KRABD3: variants seen among roughly 807,000 people sequenced by gnomAD.
The protein encoded by KRABD3 is KRAB domain-containing protein 3.
chr7:149,725,792 T>C, the KRABD3 span: 3 of 1,216,046 alleles, frequency 2.5e-6, no homozygotes, highest in African/African-American at 1.5e-5. Flanking sequence ...GGAGATACTT[T>C]GGGGCAGGGT....
chr7:149,730,461 T>C, the KRABD3 span: 67 of 1,603,146 alleles, frequency 4.2e-5, no homozygotes, highest in African/African-American at 8.6e-4. Flanking sequence ...AAGCCTCCTG[T>C]CCCTCTGTCC....
chr7:149,719,512 G>GAAC, the KRABD3 span: 1 of 1,532,804 alleles, frequency 6.5e-7, no homozygotes, highest in African/African-American at 1.4e-5. The surrounding 1 kb of genome is among the most constrained non-coding windows in gnomAD (Gnocchi z 5.6). Context: ...CTCTGGGATG[G>GAAC]AACAACCAAC....
the KRABD3 span, chr7:149,715,153 T>A: frequency 8.1e-7 from 1 of 1,229,178 alleles, no homozygotes; most frequent in Non-Finnish European, 1.0e-6. Context: ...CCCCGCAACT[T>A]CGGGATCGGC....
the KRABD3 span, chr7:149,734,060 T>C: frequency 2.5e-6 from 4 of 1,586,044 alleles, no homozygotes; most frequent in South Asian, 4.6e-5. Flanking sequence ...GCATTCCTCT[T>C]CTCCACATCT....
At chr7:149,722,792 C>T in the KRABD3 span, 3 of 1,602,526 alleles carry the variant, frequency 1.9e-6, no homozygotes, top group Admixed American at 3.5e-5. Flanking sequence ...GGAATTTCTC[C>T]TGGGAACAGC....
chr7:149,719,481 C>G, the KRABD3 span: 1 of 1,492,768 alleles, frequency 6.7e-7, no homozygotes, highest in African/African-American at 1.4e-5. This position sits in a 1 kb window ranked among gnomAD's most constrained non-coding sequence, Gnocchi z 5.6. Context: ...TTACCAAGTG[C>G]AGGGACAGCT....
the KRABD3 span, chr7:149,729,575 G>A: frequency 5.1e-6 from 5 of 985,488 alleles, no homozygotes; most frequent in Non-Finnish European, 6.0e-6. Flanking sequence ...GCGGGGTCGG[G>A]AAGATCATTG....
chr7:149,721,180 T>C, the KRABD3 span, among the ~76,000 whole-genome samples: 2 of 152,228 alleles, frequency 1.3e-5, no homozygotes, highest in African/African-American at 2.4e-5. Flanking sequence ...AGGGCAGCTC[T>C]GACTTTCGCA....
At chr7:149,728,943 G>A in the KRABD3 span, among the ~76,000 whole-genome samples, 1 of 152,170 alleles carries the variant, frequency 6.6e-6, no homozygotes, top group African/African-American at 2.4e-5. Context: ...GGCCGTGCCA[G>A]CCCCACGAGC....
the KRABD3 span, chr7:149,723,655 A>G: frequency 6.8e-7 from 1 of 1,460,118 alleles, no homozygotes; most frequent in East Asian, 2.3e-5. Context: ...ACGCCCTTCT[A>G]ACTTGTCCCC....
the KRABD3 span, chr7:149,724,730 G>A: frequency 6.4e-7 from 1 of 1,553,046 alleles, no homozygotes; most frequent in Non-Finnish European, 8.7e-7. Context: ...ATGGAGAACA[G>A]CTGGGTCCAG....
At chr7:149,724,714 G>A in the KRABD3 span, 1 of 1,551,274 alleles carries the variant, frequency 6.4e-7, no homozygotes, top group Non-Finnish European at 8.7e-7. Flanking sequence ...TCTGCTCTCT[G>A]TGAAGATGGA....
chr7:149,728,383 C>G, the KRABD3 span: 1 of 1,000,584 alleles, frequency 1.0e-6, no homozygotes, highest in Admixed American at 2.3e-5. Flanking sequence ...GCGCCAGAGC[C>G]AGGACTGACA....
chr7:149,729,442 CCTCT>C, the KRABD3 span: 4 of 1,295,542 alleles, frequency 3.1e-6, no homozygotes, highest in Middle Eastern at 4.0e-4. Context: ...AATAGACTTC[CCTCT>C]CTGTCCCTCT....
chr7:149,731,617 G>A, the KRABD3 span: 1 of 1,281,828 alleles, frequency 7.8e-7, no homozygotes, highest in South Asian at 1.3e-5. Flanking sequence ...ATGTCAGAAT[G>A]GCTCTGGCCA....
the KRABD3 span, chr7:149,722,518 G>A: frequency 2.7e-6 from 4 of 1,480,914 alleles, no homozygotes; most frequent in Non-Finnish European, 3.7e-6. Context: ...AGGAGGAAGA[G>A]CCACAGAGGA....
the KRABD3 span, chr7:149,722,875 A>C: frequency 6.2e-7 from 1 of 1,613,590 alleles, no homozygotes; most frequent in Non-Finnish European, 8.5e-7. Flanking sequence ...GACATCCCCA[A>C]GCTTCTTGCC....
chr7:149,733,801 C>A, the KRABD3 span: 44 of 1,604,354 alleles, frequency 2.7e-5, no homozygotes, highest in Non-Finnish European at 2.8e-5. Context: ...CTGCACACCC[C>A]CTCCTCGCAC....
chr7:149,721,339 G>A, the KRABD3 span: 3 of 1,547,248 alleles, frequency 1.9e-6, no homozygotes, highest in East Asian at 2.2e-5. Flanking sequence ...ACAATGTTAG[G>A]GGCATCTTAC....
Sources: gnomAD v4.1 joint callset for allele counts (sites outside exome capture counted in the v4.1 genomes callset) on GRCh38, gnomAD v4.1.1 for gene constraint, Gnocchi (gnomAD v3.1) non-coding constraint, MANE v1.5 for transcripts, NCBI Gene and HGNC (gene_info 2026-07-23, HGNC 2026-07-21) for gene names.